Variants in PCSK6 observed in about 807,000 individuals in gnomAD.
PCSK6 encodes the protein paired basic amino acid cleaving enzyme 4.
PCSK6 carries 85 observed loss-of-function variants against 123.3 expected under a neutral mutation model. The ratio of observed to expected loss-of-function variants is 0.69; its 90% confidence interval spans 0.58 to 0.83. PCSK6 has a LOEUF of 0.83. PCSK6 is among the 40% of genes least tolerant of loss of function. PCSK6 has a pLI of 0.00. For synonymous variants in PCSK6, 508 were observed against 516.0 expected (o/e 0.98, Z 0.21); for missense variants, 1,191 against 1,282.3 (o/e 0.93, Z 1.09).
intron 11 of PCSK6, among the ~76,000 whole-genome samples, chr15:101,371,466 A>G (rs2041584870): frequency 6.6e-6 from 1 of 152,248 alleles, no homozygotes; most frequent in South Asian, 2.1e-4. Context: ...TAACAAACAA[A>G]CAAATAAAAA....
At chr15:101,400,281 T>C (rs1248526202) in intron 6 of PCSK6, among the ~76,000 whole-genome samples, 4 of 152,204 alleles carry the variant, frequency 2.6e-5, no homozygotes, top group African/African-American at 9.6e-5. Flanking sequence ...ACAGGGCATT[T>C]CCCTGTGCCA....
intron 9 of PCSK6, 109 bp from the exon 10 acceptor site, chr15:101,384,534 G>T: frequency 1.3e-6 from 1 of 771,226 alleles, no homozygotes. Flanking sequence ...ACTTCAGCAA[G>T]CCCCTCAGGC....
At chr15:101,343,710 T>C (rs1484819377) in intron 13 of PCSK6, among the ~76,000 whole-genome samples, 2 of 152,256 alleles carry the variant, frequency 1.3e-5, no homozygotes, top group Non-Finnish European at 2.9e-5. Context: ...AGGGTTTATA[T>C]GCTACCAATC....
At chr15:101,383,085 TG>T (rs2041953853) in intron 10 of PCSK6, among the ~76,000 whole-genome samples, 1 of 151,992 alleles carries the variant, frequency 6.6e-6, no homozygotes, top group Non-Finnish European at 1.5e-5. Flanking sequence ...TACGGCCAAA[TG>T]AAATATTTTT....
chr15:101,417,088 T>C (rs559095618), intron 6 of PCSK6, among the ~76,000 whole-genome samples: 1 of 152,306 alleles, frequency 6.6e-6, no homozygotes, highest in East Asian at 1.9e-4. Flanking sequence ...CTGGAAAAGC[T>C]ACTATATTAT....
intron 13 of PCSK6, among the ~76,000 whole-genome samples, chr15:101,356,006 G>A (rs1469713712): frequency 6.6e-6 from 1 of 152,244 alleles, no homozygotes; most frequent in African/African-American, 2.4e-5. Flanking sequence ...GAAAAGCGGA[G>A]GCAGGAGGAT....
At chr15:101,478,009 C>T (rs2057775341) in intron 1 of PCSK6, among the ~76,000 whole-genome samples, 2 of 152,190 alleles carry the variant, frequency 1.3e-5, no homozygotes, top group South Asian at 4.1e-4. Context: ...CCCAACCCTC[C>T]ATCTGCCTGG....
intron 9 of PCSK6, 33 bp downstream of exon 9, chr15:101,389,431 T>G: frequency 6.6e-7 from 1 of 1,523,746 alleles, no homozygotes; most frequent in Non-Finnish European, 9.1e-7. Flanking sequence ...CTAAACATTT[T>G]TTTTTTTTAG....
chr15:101,442,018 T>G (rs1350246006), intron 2 of PCSK6, among the ~76,000 whole-genome samples: 2 of 152,184 alleles, frequency 1.3e-5, no homozygotes, highest in African/African-American at 4.8e-5. Flanking sequence ...GCTGCTCAGT[T>G]TTCTACTGAT....
chr15:101,394,537 C>T (rs539846622), intron 7 of PCSK6, among the ~76,000 whole-genome samples: 20 of 152,298 alleles, frequency 1.3e-4, no homozygotes, highest in East Asian at 3.9e-4. Context: ...TCCACCTCCA[C>T]GGGAAACTGG....
At chr15:101,429,846 C>T (rs1350181780) in intron 5 of PCSK6, 141 bp downstream of exon 5, 3 of 699,162 alleles carry the variant, frequency 4.3e-6, no homozygotes, top group African/African-American at 1.8e-5. Context: ...TGGCCTGTGA[C>T]TCCTGGAGAA....
intron 9 of PCSK6, among the ~76,000 whole-genome samples, chr15:101,384,854 C>G (rs1194708922): frequency 6.6e-6 from 1 of 152,226 alleles, no homozygotes; most frequent in East Asian, 1.9e-4. Flanking sequence ...CCTGTGTGGA[C>G]CCACTGGCTG....
chr15:101,460,274 C>T (rs2141203783), intron 1 of PCSK6, among the ~76,000 whole-genome samples: 1 of 152,332 alleles, frequency 6.6e-6, no homozygotes, highest in East Asian at 1.9e-4. Context: ...GCCTCTGGTC[C>T]CTGCCCCAGC....
chr15:101,412,259 T>C (rs370467200), intron 6 of PCSK6, among the ~76,000 whole-genome samples: 204 of 152,240 alleles, frequency 1.3e-3, no homozygotes, highest in Admixed American at 2.0e-3. Flanking sequence ...TGTACAGGTT[T>C]CAAAGGAATA....
At chr15:101,445,224 T>G (rs532022827) in intron 1 of PCSK6, among the ~76,000 whole-genome samples, 265 of 152,292 alleles carry the variant, frequency 1.7e-3, no homozygotes, top group African/African-American at 5.9e-3. Context: ...GCTCCTCCAC[T>G]CCCTTCTCTG....
At chr15:101,329,882 C>T (rs2040337894) in intron 15 of PCSK6, among the ~76,000 whole-genome samples, 1 of 152,236 alleles carries the variant, frequency 6.6e-6, no homozygotes, top group Non-Finnish European at 1.5e-5. Context: ...CCCCCATCCT[C>T]GCTGGTTTCA....
At chr15:101,415,637 G>C (rs1030897497) in intron 6 of PCSK6, among the ~76,000 whole-genome samples, 1 of 152,116 alleles carries the variant, frequency 6.6e-6, no homozygotes, top group Non-Finnish European at 1.5e-5. Flanking sequence ...ATATGGTTTG[G>C]CTGTGTCCCC....
Position 101,305,195 on chromosome 15 carries a change from CTGG to C in PCSK6, c.*60_*62del. ...CCTGAAACAGACTCTGGCCGACAGTCTGGAGGAAGGTGGACGGATGGATGGATG... is the reference window on the plus strand; with the variant it reads ...CCTGAAACAGACTCTGGCCGACAGTCAGGAAGGTGGACGGATGGATGGATG... On this transcript the variant is annotated 3_prime_UTR_variant, in exon 22 of 22. Transcript: ENST00000611716. The surrounding 1 kb of genome is among the most constrained non-coding windows in gnomAD (Gnocchi z 4.8). 7.3e-7 allele frequency: 1 copy of C among 1,371,608 alleles called. No homozygotes were observed. Among genetic ancestry groups the C allele is most frequent in the East Asian group, 2.4e-5 (1 of 41,572 alleles). The allele number at this position is 1,371,608 out of a possible 1,614,324, so 85.0% of individuals were successfully genotyped here.
At chr15:101,406,052 T>G (rs1435517802) in intron 6 of PCSK6, among the ~76,000 whole-genome samples, 2 of 152,208 alleles carry the variant, frequency 1.3e-5, no homozygotes, top group Non-Finnish European at 1.5e-5. Context: ...CGCCTGCTTC[T>G]AATTTATATC....
Sources: allele counts gnomAD v4.1 joint callset (sites outside exome capture counted in the v4.1 genomes callset), GRCh38; gene constraint gnomAD v4.1.1; non-coding constraint Gnocchi (gnomAD v3.1); transcripts MANE v1.5; gene names NCBI Gene and HGNC (gene_info 2026-07-23, HGNC 2026-07-21).